PDE11A: variants seen among roughly 807,000 people sequenced by gnomAD.
PDE11A encodes the protein dual 3',5'-cyclic-AMP and -GMP phosphodiesterase 11A.
PDE11A carries 100 observed loss-of-function variants against 100.5 expected under a neutral mutation model. The observed-to-expected ratio is 1.00, with a 90% CI of 0.85 to 1.18. The LOEUF (loss-of-function observed/expected upper bound fraction) is 1.18. Among genes scored for constraint, PDE11A ranks in the 50% most tolerant of loss-of-function variants. PDE11A has a pLI of 0.00. For synonymous variants in PDE11A, 381 were observed against 420.8 expected (o/e 0.91, Z 1.16); for missense variants, 1,141 against 1,152.6 (o/e 0.99, Z 0.15).
At chr2:177,643,306 T>C (rs1242459816) in intron 19 of PDE11A, among the ~76,000 whole-genome samples, 1 of 152,144 alleles carries the variant, frequency 6.6e-6, no homozygotes, top group Admixed American at 6.5e-5. Context: ...ATGCTGATAA[T>C]GATATGGACA....
chr2:178,090,300 T>G (rs1056088702), intron 2 of PDE11A, among the ~76,000 whole-genome samples: 1 of 152,252 alleles, frequency 6.6e-6, no homozygotes, highest in Non-Finnish European at 1.5e-5. Context: ...ATTTTACTTA[T>G]TGCATTCATT....
At chr2:177,884,394 A>G (rs10189134) in intron 4 of PDE11A, among the ~76,000 whole-genome samples, 15,400 of 152,224 alleles carry the variant, frequency 0.1, 973 homozygotes, top group African/African-American at 0.18. Context: ...TTCACCATTA[A>G]TGAGCATTCT....
At chr2:177,932,462 T>C (rs1275534706) in intron 2 of PDE11A, among the ~76,000 whole-genome samples, 1 of 152,130 alleles carries the variant, frequency 6.6e-6, no homozygotes, top group Non-Finnish European at 1.5e-5. Context: ...GAAATTAATT[T>C]ACCATAATCA....
intron 12 of PDE11A, among the ~76,000 whole-genome samples, chr2:177,719,423 G>A (rs182687554): frequency 2.3e-4 from 35 of 152,296 alleles, no homozygotes; most frequent in South Asian, 4.1e-4. Flanking sequence ...CTGCAGCAGA[G>A]CCCTAGGTGG....
At chr2:177,929,082 G>A (rs1465081251) in intron 2 of PDE11A, among the ~76,000 whole-genome samples, 2 of 152,106 alleles carry the variant, frequency 1.3e-5, no homozygotes, top group Non-Finnish European at 2.9e-5. Context: ...TTGCACAGGC[G>A]AAAAATCCAG....
intron 2 of PDE11A, among the ~76,000 whole-genome samples, chr2:177,967,245 T>G (rs543135745): frequency 6.7e-6 from 1 of 149,310 alleles, no homozygotes; most frequent in East Asian, 2.0e-4. Context: ...CGCCCAGCCT[T>G]GAGTACAGTG....
intron 19 of PDE11A, among the ~76,000 whole-genome samples, chr2:177,648,755 AGTATATGAT>A (rs1204314589): frequency 6.6e-6 from 1 of 152,146 alleles, no homozygotes. Flanking sequence ...TAAGGGAATC[AGTATATGAT>A]AACAGTGACC....
rs568087109 is a variant in PDE11A, at chr2:177,828,560, C to T, written c.1501-8265G>A. Among the ~76,000 whole-genome samples the T allele has an allele frequency of 3.3e-5, 5 of 152,130 alleles. No homozygotes were observed. The East Asian group carries it at 9.7e-4, about 29-fold the overall frequency. On this transcript the variant is annotated intron_variant, in intron 6 of 19. Coordinates refer to ENST00000286063, the MANE Select transcript of PDE11A (RefSeq NM_016953.4). Reference sequence around the variant, plus strand: ...AAACAGATAAGAGGGGTAAGGAGTACCAAGGGTATCAGGCCTTACTGTCAG... The same window carrying T: ...AAACAGATAAGAGGGGTAAGGAGTATCAAGGGTATCAGGCCTTACTGTCAG...
chr2:177,926,997 T>C (rs1319625853), intron 2 of PDE11A: 1 of 152,226 alleles, frequency 6.6e-6, no homozygotes, highest in Non-Finnish European at 1.5e-5. Context: ...CCAGATCTGA[T>C]CATGTAGTCT....
Position 177,887,163 on chromosome 2 carries a change from G to T in PDE11A, c.1302+10895C>A, listed in dbSNP as rs191370302. 4.6e-5 allele frequency among the ~76,000 whole-genome samples: 7 copies of T among 152,206 alleles called. No homozygotes were observed. In the East Asian group the frequency reaches 1.4e-3, roughly 29 times the overall value. ...AACTATTAGACAGGTAGGAAAGAGGGCAAGAGAGAAAGAAAGAAAGCAATG... is the reference window on the plus strand; with the variant it reads ...AACTATTAGACAGGTAGGAAAGAGGTCAAGAGAGAAAGAAAGAAAGCAATG... On this transcript the variant is annotated intron_variant, in intron 4 of 19. Coordinates refer to ENST00000286063, the MANE Select transcript of PDE11A (RefSeq NM_016953.4).
chr2:177,910,735 G>C (rs1197149169), intron 2 of PDE11A, among the ~76,000 whole-genome samples: 3 of 152,106 alleles, frequency 2.0e-5, no homozygotes, highest in Admixed American at 2.0e-4. Context: ...TTTAGCCCTG[G>C]AAACTCATTA....
At chr2:178,031,883 A>T (rs1559048150) in intron 1 of PDE11A, among the ~76,000 whole-genome samples, 1 of 152,154 alleles carries the variant, frequency 6.6e-6, no homozygotes, top group Non-Finnish European at 1.5e-5. Flanking sequence ...GAGGAAGAAC[A>T]AGTCATAGGG....
chr2:177,864,034 A>T (rs771829189), intron 5 of PDE11A, among the ~76,000 whole-genome samples: 5 of 152,162 alleles, frequency 3.3e-5, no homozygotes, highest in South Asian at 2.1e-4. Flanking sequence ...AAAGAATCAG[A>T]TGTTGCCATT....
chr2:178,021,159 ACC>A (rs2086406834), intron 1 of PDE11A, among the ~76,000 whole-genome samples: 1 of 151,952 alleles, frequency 6.6e-6, no homozygotes, highest in Non-Finnish European at 1.5e-5. Flanking sequence ...TGGGGGTTTC[ACC>A]ATGTTGGCCA....
chr2:177,764,304 C>T (rs899389304), intron 10 of PDE11A, among the ~76,000 whole-genome samples: 1 of 152,150 alleles, frequency 6.6e-6, no homozygotes, highest in South Asian at 2.1e-4. Flanking sequence ...ACCTGAGTTA[C>T]TGGTGCTTAA....
chr2:177,947,884 G>A (rs1298131586), intron 2 of PDE11A, among the ~76,000 whole-genome samples: 1 of 151,678 alleles, frequency 6.6e-6, no homozygotes, highest in Non-Finnish European at 1.5e-5. Flanking sequence ...ACACAGAAAA[G>A]CATGAGGAAG....
At chr2:177,697,307 A>G (rs1559147927) in intron 15 of PDE11A, 25 bp downstream of exon 15, 2 of 1,156,080 alleles carry the variant, frequency 1.7e-6, no homozygotes, top group Non-Finnish European at 2.6e-6. Context: ...TCCATTTGTC[A>G]AACAGATCAA....
chr2:177,839,799 A>G (rs2083460342), intron 6 of PDE11A, among the ~76,000 whole-genome samples: 1 of 152,238 alleles, frequency 6.6e-6, no homozygotes, highest in Non-Finnish European at 1.5e-5. Flanking sequence ...ATTTATCTGT[A>G]TGATACTCTA....
intron 5 of PDE11A, among the ~76,000 whole-genome samples, chr2:177,849,008 A>G (rs551008287): frequency 2.6e-5 from 4 of 152,360 alleles, no homozygotes; most frequent in South Asian, 4.1e-4. Flanking sequence ...TCTTCTCAAC[A>G]TAACAGTTTA....
Sources: gnomAD v4.1 joint callset for allele counts (sites outside exome capture counted in the v4.1 genomes callset) on GRCh38, gnomAD v4.1.1 for gene constraint, MANE v1.5 for transcripts, NCBI Gene and HGNC (gene_info 2026-07-23, HGNC 2026-07-21) for gene names.